The following SHISA6 variants were observed in gnomAD, a reference collection of about 807,000 sequenced individuals.
SHISA6 encodes the protein shisa family member 6, also known as protein shisa-6.
SHISA6 carries 22 observed loss-of-function variants against 47.9 expected under a neutral mutation model. That is an observed-to-expected ratio of 0.46 (90% confidence interval 0.33 to 0.66). The LOEUF (loss-of-function observed/expected upper bound fraction) is 0.66. Ranked by LOEUF, SHISA6 falls within the 30% of genes least tolerant of loss-of-function variation. SHISA6 has a pLI of 0.02. For missense variants in SHISA6, 680 were observed against 764.6 expected (o/e 0.89, Z 1.30); for synonymous variants, 388 against 337.8 (o/e 1.15, Z -1.63).
chr17:11,308,996 G>A (rs990074846), intron 2 of SHISA6, among the ~76,000 whole-genome samples: 1 of 152,090 alleles, frequency 6.6e-6, no homozygotes, highest in African/African-American at 2.4e-5. Flanking sequence ...ACAGGGTCTT[G>A]CTCTGTCACC....
At chr17:11,281,210 T>C (rs1352308329) in intron 2 of SHISA6, among the ~76,000 whole-genome samples, 2 of 152,178 alleles carry the variant, frequency 1.3e-5, no homozygotes, top group Non-Finnish European at 2.9e-5. Context: ...ATGTATAACA[T>C]ACAGTCAAAG....
chr17:11,476,215 G>A (rs1222760946), intron 3 of SHISA6, among the ~76,000 whole-genome samples: 3 of 151,632 alleles, frequency 2.0e-5, no homozygotes. Flanking sequence ...TCAATTTCAT[G>A]TATCTTTTCA....
chr17:11,348,708 C>G (rs59395584), intron 2 of SHISA6, among the ~76,000 whole-genome samples: 11,826 of 151,880 alleles, frequency 0.078, 726 homozygotes, highest in East Asian at 0.23. Flanking sequence ...TCATAAGAAA[C>G]AAGTTCATTT....
chr17:11,392,893 T>C (rs1246036762), intron 3 of SHISA6, among the ~76,000 whole-genome samples: 1 of 152,188 alleles, frequency 6.6e-6, no homozygotes, highest in African/African-American at 2.4e-5. Flanking sequence ...CCTACATGGC[T>C]GGGGCTGAAT....
chr17:11,548,033 T>G (rs1211096702), intron 3 of SHISA6, among the ~76,000 whole-genome samples: 1 of 152,020 alleles, frequency 6.6e-6, no homozygotes, highest in Admixed American at 6.6e-5. Context: ...ATTACATAGT[T>G]AAGAATGTGG....
At chr17:11,290,564 A>G (rs1909495421) in intron 2 of SHISA6, 1 of 151,138 alleles carries the variant, frequency 6.6e-6, no homozygotes, top group African/African-American at 2.5e-5. Flanking sequence ...GTTAGCCAGG[A>G]TGGTCTGGAT....
intron 3 of SHISA6, among the ~76,000 whole-genome samples, chr17:11,387,611 A>G (rs751182793): frequency 6.6e-6 from 1 of 152,210 alleles, no homozygotes; most frequent in African/African-American, 2.4e-5. Context: ...CCAGCATAAG[A>G]GAGCAGGACA....
At chr17:11,502,238 T>G (rs2071459882) in intron 3 of SHISA6, among the ~76,000 whole-genome samples, 1 of 149,892 alleles carries the variant, frequency 6.7e-6, no homozygotes, top group South Asian at 2.1e-4. Context: ...TGAAACCCCG[T>G]CTCTACTAAA....
rs183838189 is a variant in SHISA6, at chr17:11,316,204, C to A, written c.799+52678C>A. On this transcript the variant is annotated intron_variant, in intron 2 of 5. Transcript: ENST00000441885. ...AAAGTTTTCACAGTAACTCTTGTTACTTTTGCTTTGCCATTTCTGATGTTG... is the reference window on the plus strand; with the variant it reads ...AAAGTTTTCACAGTAACTCTTGTTAATTTTGCTTTGCCATTTCTGATGTTG... Among the ~76,000 whole-genome samples the A allele has an allele frequency of 1.3e-4, 19 of 151,326 alleles. 1 individual carries two copies. The East Asian group carries it at 2.3e-3, about 19-fold the overall frequency.
At chr17:11,277,379 G>A (rs12945836) in intron 2 of SHISA6, among the ~76,000 whole-genome samples, 19,161 of 150,348 alleles carry the variant, frequency 0.13, 1,413 homozygotes, top group African/African-American at 0.2. Context: ...TGTAGCCATG[G>A]GCATATCTCA....
chr17:11,415,311 A>T (rs1481209110), intron 3 of SHISA6, among the ~76,000 whole-genome samples: 12 of 152,170 alleles, frequency 7.9e-5, no homozygotes, highest in African/African-American at 2.9e-4. Flanking sequence ...CATTTGGAGA[A>T]TCAGTACTCA....
chr17:11,385,045 A>G (rs1913148525), intron 3 of SHISA6, among the ~76,000 whole-genome samples: 1 of 152,212 alleles, frequency 6.6e-6, no homozygotes, highest in Non-Finnish European at 1.5e-5. Context: ...CAGTCAGAGA[A>G]GACAGAAATA....
chr17:11,505,047 A>G lies in SHISA6; in HGVS notation c.896-46849A>G, dbSNP rs73286835. On this transcript the variant is annotated intron_variant, in intron 3 of 5. Transcript: ENST00000441885. ...CATCTCTTCTTTAACTGGGACTTGAATGTTTTAGCAAAGCCTCATTATTCA... is the reference window on the plus strand; with the variant it reads ...CATCTCTTCTTTAACTGGGACTTGAGTGTTTTAGCAAAGCCTCATTATTCA... Among the ~76,000 whole-genome samples, 746 of 152,318 alleles carry G rather than the reference A, an allele frequency of 4.9e-3. 6 individuals are homozygous for G. Among genetic ancestry groups the G allele is most frequent in the African/African-American group, 0.017 (705 of 41,582 alleles).
intron 3 of SHISA6, among the ~76,000 whole-genome samples, chr17:11,543,744 T>C (rs899270850): frequency 3.3e-5 from 5 of 151,942 alleles, no homozygotes; most frequent in South Asian, 2.1e-4. Flanking sequence ...CTGTGTGGCA[T>C]TGGCAGAGGG....
chr17:11,383,028 C>T (rs796416775), intron 3 of SHISA6, among the ~76,000 whole-genome samples: 4 of 150,630 alleles, frequency 2.7e-5, no homozygotes, highest in African/African-American at 9.8e-5. Context: ...ACCTCTGTCT[C>T]CCGGGTCCAA....
At chr17:11,264,792 G>A (rs1038516623) in intron 2 of SHISA6, among the ~76,000 whole-genome samples, 19 of 152,058 alleles carry the variant, frequency 1.2e-4, no homozygotes, top group Admixed American at 5.2e-4. Flanking sequence ...AATTTATTAC[G>A]TCAGAAACCT....
chr17:11,247,095 G>GA (rs1204267489), intron 1 of SHISA6, among the ~76,000 whole-genome samples: 1 of 152,120 alleles, frequency 6.6e-6, no homozygotes, highest in African/African-American at 2.4e-5. Flanking sequence ...CACAGCTAGA[G>GA]AAAAAAGCCT....
At chr17:11,387,574 C>T (rs758177560) in intron 3 of SHISA6, among the ~76,000 whole-genome samples, 1 of 151,996 alleles carries the variant, frequency 6.6e-6, no homozygotes, top group East Asian at 1.9e-4. Flanking sequence ...AGATGTTAGT[C>T]AGTGATGATG....
At chr17:11,400,834 C>A (rs1913746682) in intron 3 of SHISA6, among the ~76,000 whole-genome samples, 1 of 152,174 alleles carries the variant, frequency 6.6e-6, no homozygotes, top group Admixed American at 6.5e-5. Flanking sequence ...AAATGTTTTT[C>A]ACCGACTTGA....
Sources: gnomAD v4.1 joint callset for allele counts (sites outside exome capture counted in the v4.1 genomes callset) on GRCh38, gnomAD v4.1.1 for gene constraint, MANE v1.5 for transcripts, NCBI Gene and HGNC (gene_info 2026-07-23, HGNC 2026-07-21) for gene names.